STRA6: variants seen among roughly 807,000 people sequenced by gnomAD.
STRA6 encodes receptor for retinol uptake STRA6.
A neutral mutation model predicts 83.6 loss-of-function variants in STRA6; 48 were observed. The ratio of observed to expected loss-of-function variants is 0.57; its 90% CI spans 0.46 to 0.73. The LOEUF (loss-of-function observed/expected upper bound fraction) is 0.73, where lower values mean the gene tolerates loss of function less well. Among genes scored for constraint, STRA6 ranks in the 30% least tolerant of loss-of-function variants. The pLI, the probability that STRA6 is intolerant of heterozygous loss-of-function variation, is 0.00. For synonymous variants in STRA6, 353 were observed against 362.3 expected, an observed-to-expected ratio of 0.97 and a Z score of 0.29; for missense variants, 760 against 838.8, an observed-to-expected ratio of 0.91 and a Z score of 1.16.
intron 16 of STRA6, among the ~76,000 whole-genome samples, chr15:74,181,913 C>T (rs530327931): frequency 9.8e-5 from 15 of 152,294 alleles, no homozygotes; most frequent in Non-Finnish European, 1.3e-4. Context: ...AGAGCAGTAC[C>T]GATTCCCAAA....
chr15:74,203,648 C>G (rs577326156), upstream of STRA6, among the ~76,000 whole-genome samples: 20 of 152,328 alleles, frequency 1.3e-4, no homozygotes, highest in South Asian at 4.1e-3. Flanking sequence ...TGAACACACA[C>G]TATGTGCCAG....
intron 11 of STRA6, 86 bp downstream of exon 11, chr15:74,190,754 A>T: frequency 6.3e-7 from 1 of 1,598,062 alleles, no homozygotes; most frequent in Non-Finnish European, 8.6e-7. Context: ...GCACCTGGAG[A>T]GCTGGGTTGG....
chr15:74,196,082 A>G lies in STRA6; in HGVS notation c.332T>C (p.Leu111Pro). The G allele has an allele frequency of 6.2e-7, 1 of 1,614,064 alleles. No individual in the cohort carries two copies. Among genetic ancestry groups the G allele is most frequent in the Non-Finnish European group, 8.5e-7 (1 of 1,179,996 alleles). The change falls in exon 5 of 19, where the codon CTG becomes CCG. Residue 111 changes from leucine to proline, a missense_variant. Coordinates refer to ENST00000395105, the MANE Select transcript of STRA6 (RefSeq NM_022369.4). ...AVPAAVFMVL[L>P]SSLCLLLPDE... ...GGGGAGCAGCAAACACAGGGAGCTC[A>G]GGAGGACCATGAAAACAGCAGCAGG... is the stretch of plus-strand genomic sequence containing the variant.
At chr15:74,208,552 T>C (rs2074314287) in intron 1 of STRA6, among the ~76,000 whole-genome samples, 1 of 152,116 alleles carries the variant, frequency 6.6e-6, no homozygotes, top group South Asian at 2.1e-4. Flanking sequence ...CAGATCCAAC[T>C]CAGACAGGAC....
intron 17 of STRA6, 26 bp downstream of exon 17, chr15:74,181,269 C>T: frequency 6.2e-7 from 1 of 1,611,542 alleles, no homozygotes; most frequent in Non-Finnish European, 8.5e-7. Context: ...CCTGAGCAAT[C>T]CTCCAGCCCC....
upstream of STRA6, among the ~76,000 whole-genome samples, chr15:74,204,788 A>G (rs1160979061): frequency 6.6e-6 from 1 of 152,166 alleles, no homozygotes; most frequent in Non-Finnish European, 1.5e-5. Context: ...ACAAAAAATT[A>G]GCCGGACGTG....
At chr15:74,209,409 G>A, upstream of STRA6, 4 of 1,535,622 alleles carry the variant, frequency 2.6e-6, no homozygotes, top group Non-Finnish European at 3.5e-6. Flanking sequence ...CTGATGAATT[G>A]CCAGAGGGGA....
intron 4 of STRA6, among the ~76,000 whole-genome samples, chr15:74,196,651 T>C (rs1020059265): frequency 6.6e-5 from 10 of 152,144 alleles, no homozygotes; most frequent in African/African-American, 2.4e-4. Context: ...AGGTTCATTC[T>C]CCCTCAAACA....
chr15:74,185,234 G>C (rs781249628), intron 12 of STRA6, among the ~76,000 whole-genome samples, 179 bp from the exon 13 acceptor site: 5 of 152,108 alleles, frequency 3.3e-5, no homozygotes, highest in Admixed American at 3.3e-4. Flanking sequence ...CAATGACTTC[G>C]GCCACCCCAT....
chr15:74,182,109 CCGAAGAAGAGG>C, intron 16 of STRA6, 41 bp downstream of exon 16: 1 of 1,490,772 alleles, frequency 6.7e-7, no homozygotes, highest in Non-Finnish European at 9.4e-7. Context: ...GAGAGAGACA[CCGAAGAAGAGG>C]CGAGGGCCTG....
At chr15:74,191,562 A>G in intron 8 of STRA6, 71 bp from the exon 9 acceptor site, 1 of 1,352,254 alleles carries the variant, frequency 7.4e-7, no homozygotes, top group Non-Finnish European at 1.1e-6. Flanking sequence ...TGGCTCAGGG[A>G]ACTAGAGTGT....
At chr15:74,195,577 C>T (rs771303634) in intron 6 of STRA6, 75 bp downstream of exon 6, 35 of 1,563,754 alleles carry the variant, frequency 2.2e-5, no homozygotes, top group African/African-American at 2.0e-4. Flanking sequence ...CCCTTCAGCA[C>T]GTTCAGTGGG....
Position 74,183,993 on chromosome 15 carries a change from G to A in STRA6, c.1167-4C>T. The A allele has an allele frequency of 1.9e-6, 3 of 1,612,806 alleles. No individual in the cohort carries two copies. The highest frequency in any genetic ancestry group is 2.5e-6 in the Non-Finnish European group (3 of 1,179,988). On this transcript the variant is annotated splice_polypyrimidine_tract_variant and splice_region_variant and intron_variant, in intron 13 of 18. Transcript: ENST00000395105. ...GTGCAGAGCTCGAAGGTTGGTCCTGGGGTGGGAGCCAGGGAGGCAGAGACC... is the reference window on the plus strand; with the variant it reads ...GTGCAGAGCTCGAAGGTTGGTCCTGAGGTGGGAGCCAGGGAGGCAGAGACC...
chr15:74,186,792 G>A (rs1463277555), intron 12 of STRA6, among the ~76,000 whole-genome samples: 3 of 152,144 alleles, frequency 2.0e-5, no homozygotes, highest in Non-Finnish European at 4.4e-5. Flanking sequence ...AAAATCACTG[G>A]GAGGGCTGTT....
At chr15:74,193,721 G>T in intron 8 of STRA6, 79 bp downstream of exon 8, 1 of 1,599,684 alleles carries the variant, frequency 6.3e-7, no homozygotes, top group South Asian at 1.1e-5. Flanking sequence ...GCACGGCCAT[G>T]TATCTGGGAC....
Position 74,182,332 on chromosome 15 carries a change from GT to G in STRA6, c.1418+10del, listed in dbSNP as rs377631858. The G allele has an allele frequency of 6.3e-4, 1,012 of 1,614,084 alleles. 6 individuals are homozygous for G. The East Asian group carries it at 0.015, about 23-fold the overall frequency. On this transcript the variant is annotated intron_variant, in intron 15 of 18. Transcript: ENST00000395105. ...GGAGTCCCTGAGCCCTCCATGTCTT[GT>G]TTCACTCACCACGAGGACTCCAGGG...
upstream of STRA6, among the ~76,000 whole-genome samples, chr15:74,206,902 A>C (rs1159950829): frequency 2.0e-5 from 3 of 152,238 alleles, no homozygotes; most frequent in Admixed American, 6.5e-5. Flanking sequence ...AGCAGCTCAA[A>C]CCAGCAGGTC....
chr15:74,193,566 T>A (rs901343265), intron 8 of STRA6, among the ~76,000 whole-genome samples: 4 of 152,144 alleles, frequency 2.6e-5, no homozygotes, highest in African/African-American at 4.8e-5. Flanking sequence ...CTTTGTTAAG[T>A]CCCTACTATT....
chr15:74,194,894 T>C (rs1038332255), intron 7 of STRA6: 1 of 1,395,452 alleles, frequency 7.2e-7, no homozygotes, highest in African/African-American at 1.4e-5. Context: ...GGAATTCTCC[T>C]CTCAGCCCTC....
Sources: gnomAD v4.1 joint callset for allele counts (sites outside exome capture counted in the v4.1 genomes callset) on GRCh38, gnomAD v4.1.1 for gene constraint, MANE v1.5 for transcripts, NCBI Gene and HGNC (gene_info 2026-07-23, HGNC 2026-07-21) for gene names.